Variants in CTBP2 observed in about 807,000 individuals in gnomAD.
CTBP2 encodes C-terminal-binding protein 2.
A neutral mutation model predicts 80.3 loss-of-function variants in CTBP2; 30 were observed. The ratio of observed to expected loss-of-function variants is 0.37; its 90% confidence interval spans 0.28 to 0.51. CTBP2 has a LOEUF of 0.51. Among genes scored for constraint, CTBP2 ranks in the 20% least tolerant of loss-of-function variants. The probability of loss-of-function intolerance (pLI) is 0.93; values close to 1 mark genes in which losing one functional copy is unlikely to be tolerated. For missense variants in CTBP2, 1,212 were observed against 1,375.3 expected (o/e 0.88, Z 1.88); for synonymous variants, 594 against 587.4 (o/e 1.01, Z -0.16).
chr10:125,124,239 C>A lies in CTBP2; in HGVS notation c.-205-13146G>T, dbSNP rs866681041. ...TGCCACACCAGCCTTTTGTATCACC[C>A]GAAAGGTCTTTGTGGCACTCTGTGT... On this transcript the variant is annotated intron_variant, in intron 1 of 10. Coordinates refer to the CTBP2 transcript ENST00000337195. Among the ~76,000 whole-genome samples, 9 of 152,272 alleles carry A rather than the reference C, an allele frequency of 5.9e-5. No individual in the cohort carries two copies. The Middle Eastern group carries it at 0.01, about 173-fold the overall frequency.
At chr10:125,039,328 C>A (rs183764936) in intron 2 of CTBP2, among the ~76,000 whole-genome samples, 173 bp from the exon 3 acceptor site, 1 of 152,366 alleles carries the variant, frequency 6.6e-6, no homozygotes, top group Admixed American at 6.5e-5. Context: ...GCATCTCAGC[C>A]GCCTCCTGCT....
chr10:125,098,099 C>T (rs191050230), intron 2 of CTBP2, among the ~76,000 whole-genome samples: 6 of 152,258 alleles, frequency 3.9e-5, no homozygotes, highest in South Asian at 4.1e-4. Flanking sequence ...CCAGTCTGGG[C>T]GACAGAGCGA....
At chr10:125,003,284 G>A in intron 2 of CTBP2, 54 bp downstream of exon 4, 1 of 1,593,176 alleles carries the variant, frequency 6.3e-7, no homozygotes, top group Non-Finnish European at 8.5e-7. Context: ...GGGGATGCTG[G>A]GGAGGAAACT....
chr10:125,040,927 C>T (rs1959546606), intron 2 of CTBP2, among the ~76,000 whole-genome samples: 1 of 152,194 alleles, frequency 6.6e-6, no homozygotes, highest in Admixed American at 6.5e-5. Context: ...TGTAACATCC[C>T]TGAGATACCA....
intron 1 of CTBP2, among the ~76,000 whole-genome samples, chr10:125,133,230 C>A (rs1352561662): frequency 6.6e-6 from 1 of 152,190 alleles, no homozygotes; most frequent in East Asian, 1.9e-4. Context: ...CAGATTCAAA[C>A]TCTTGCCCAT....
chr10:124,990,583 C>T (rs1420314225), intron 8 of CTBP2, among the ~76,000 whole-genome samples: 4 of 152,182 alleles, frequency 2.6e-5, no homozygotes, highest in Admixed American at 2.6e-4. Context: ...CCCAACTGTT[C>T]ACCAGTTACT....
chr10:125,062,999 T>G (rs1334235856), intron 2 of CTBP2, among the ~76,000 whole-genome samples: 1 of 152,196 alleles, frequency 6.6e-6, no homozygotes, highest in Non-Finnish European at 1.5e-5. Context: ...GGCGTTCCAG[T>G]GAGCAGGCTG....
At position 125,026,632 on chromosome 10, in the gene CTBP2, G is replaced by T; in HGVS notation, c.1128C>A (p.Ser376Arg). ...AAGCCAAGTCACCATGGAGCAGTTCGCTTCGGTGGCTGAAGCTGCTGGACC... is the reference window on the plus strand; with the variant it reads ...AAGCCAAGTCACCATGGAGCAGTTCTCTTCGGTGGCTGAAGCTGCTGGACC... The change falls in exon 1 of 9, where the codon AGC (serine) becomes AGA (arginine). Residue 376 changes from serine (S) to arginine (R), a missense_variant. Ser to Arg is a moderately radical substitution (Grantham distance 110). This residue lies in a region of CTBP2 where 848 missense variants were observed against 782.3 expected (regional missense o/e 1.08). Coordinates refer to ENST00000309035, the MANE Select transcript of CTBP2 (RefSeq NM_022802.3). The T allele has an allele frequency of 1.3e-6, 2 of 1,557,656 alleles. No homozygotes were observed. Among genetic ancestry groups the T allele is most frequent in the South Asian group, 1.2e-5 (1 of 86,862 alleles).
intron 1 of CTBP2, among the ~76,000 whole-genome samples, chr10:125,131,481 A>G (rs1227807895): frequency 1.3e-5 from 2 of 152,182 alleles, no homozygotes; most frequent in Non-Finnish European, 2.9e-5. Context: ...GAATGAGTGA[A>G]GTGAAGCCAT....
intron 1 of CTBP2, among the ~76,000 whole-genome samples, chr10:125,131,288 C>G (rs1856137889): frequency 6.6e-6 from 1 of 152,206 alleles, no homozygotes; most frequent in Non-Finnish European, 1.5e-5. Flanking sequence ...CATGCCAGGT[C>G]ATTGCTGCAA....
At position 125,027,286 on chromosome 10, in the gene CTBP2, C is replaced by A. The variant is rs780265303; in HGVS notation, c.474G>T (p.Leu158=). 1.2e-6 allele frequency: 2 copies of A among 1,613,642 alleles called. No homozygotes were observed. The highest frequency in any genetic ancestry group is 1.7e-6 in the Non-Finnish European group (2 of 1,179,994). The change falls in exon 1 of 9, where the codon CTG becomes CTT. Residue 158 remains leucine (L), a synonymous_variant. Transcript: ENST00000309035. Reference sequence around the variant, plus strand: ...CCCGGTACAGGTGACCGGCGTCCTGCAGGGCAGGTGACCGGCCTTGCATTG... The same window carrying A: ...CCCGGTACAGGTGACCGGCGTCCTGAAGGGCAGGTGACCGGCCTTGCATTG...
intron 1 of CTBP2, among the ~76,000 whole-genome samples, chr10:125,004,310 C>T (rs1445275785): frequency 6.6e-6 from 1 of 152,190 alleles, no homozygotes; most frequent in East Asian, 1.9e-4. Flanking sequence ...TGCTTGCGCC[C>T]CGTGCACATA....
intron 5 of CTBP2, among the ~76,000 whole-genome samples, chr10:124,994,223 CTCTTTAAAGGT>C (rs1248024969): frequency 1.3e-5 from 2 of 152,228 alleles, no homozygotes; most frequent in Admixed American, 1.3e-4. Flanking sequence ...AGCTGCTGGC[CTCTTTAAAGGT>C]TCTGGGAAGC....
At chr10:125,042,279 T>C (rs1293332898) in intron 2 of CTBP2, among the ~76,000 whole-genome samples, 2 of 152,240 alleles carry the variant, frequency 1.3e-5, no homozygotes, top group Non-Finnish European at 2.9e-5. Flanking sequence ...CAGGCCCTCC[T>C]TAGAGCTGAG....
intron 2 of CTBP2, among the ~76,000 whole-genome samples, chr10:125,080,011 T>C (rs1846932235): frequency 6.6e-6 from 1 of 152,246 alleles, no homozygotes; most frequent in South Asian, 2.1e-4. Flanking sequence ...ATACTGTACC[T>C]GAGCATTTAA....
intron 1 of CTBP2, among the ~76,000 whole-genome samples, chr10:125,151,152 T>C (rs939047648): frequency 8.5e-5 from 13 of 152,166 alleles, no homozygotes; most frequent in African/African-American, 3.1e-4. Context: ...AATGGCTGCA[T>C]AAGTTTCTGG....
At chr10:124,993,793 TG>T in intron 6 of CTBP2, 61 bp downstream of exon 8, 1 of 1,549,518 alleles carries the variant, frequency 6.5e-7, no homozygotes, top group Non-Finnish European at 8.7e-7. Context: ...GTTCAAAGTG[TG>T]GGGGTCAGGT....
chr10:125,083,378 C>T (rs1473673391), intron 2 of CTBP2, among the ~76,000 whole-genome samples: 1 of 152,188 alleles, frequency 6.6e-6, no homozygotes, highest in Non-Finnish European at 1.5e-5. Context: ...GCCCATTCCA[C>T]AGGCACCACT....
chr10:125,057,365 A>C (rs1385942663), intron 2 of CTBP2, among the ~76,000 whole-genome samples: 1 of 152,148 alleles, frequency 6.6e-6, no homozygotes, highest in Non-Finnish European at 1.5e-5. Flanking sequence ...GCCTGAGAGG[A>C]ACAACAAAAA....
Sources: allele counts gnomAD v4.1 joint callset (sites outside exome capture counted in the v4.1 genomes callset), GRCh38; gene constraint gnomAD v4.1.1; regional missense constraint gnomAD v4.1.1; transcripts MANE v1.5; gene names NCBI Gene and HGNC (gene_info 2026-07-23, HGNC 2026-07-21).